CDH26: variants seen among roughly 807,000 people sequenced by gnomAD.
CDH26 encodes the protein cadherin-like protein 26.
A neutral mutation model predicts 90.3 loss-of-function variants in CDH26; 83 were observed. The ratio of observed to expected loss-of-function variants is 0.92; its 90% CI spans 0.77 to 1.10. The LOEUF is 1.10. CDH26 is among the 50% of genes least tolerant of loss of function. CDH26 has a pLI of 0.00. For synonymous variants in CDH26, 397 were observed against 396.3 expected (o/e 1.00, Z -0.02); for missense variants, 1,013 against 1,037.6 (o/e 0.98, Z 0.33).
intron 7 of CDH26, chr20:59,986,205 A>G (rs2061457137): frequency 6.6e-6 from 1 of 152,234 alleles, no homozygotes; most frequent in Admixed American, 6.5e-5. Flanking sequence ...CTCGCCTTCC[A>G]TACCTTACCT....
At position 60,032,971 on chromosome 20, in the gene CDH26, A is replaced by G. The variant is rs905631352; in HGVS notation, c.1144-515A>G. ...TATGTAACTAACCTGCACAATGTGC[A>G]CATGTACCCTAAAACTTAAAGTATA... On this transcript the variant is annotated intron_variant, in intron 8 of 8. Transcript: ENST00000370991. Among the ~76,000 whole-genome samples the G allele has an allele frequency of 5.5e-4, 84 of 152,204 alleles. 1 individual carries two copies. Among genetic ancestry groups the G allele is most frequent in the Non-Finnish European group, 6.5e-4 (44 of 67,994 alleles).
At chr20:60,026,648 T>A (rs1483863981) in intron 7 of CDH26, among the ~76,000 whole-genome samples, 2 of 152,176 alleles carry the variant, frequency 1.3e-5, no homozygotes, top group Admixed American at 1.3e-4. Context: ...GTCAAGAACC[T>A]GAGAGCGCTT....
intron 17 of CDH26, among the ~76,000 whole-genome samples, chr20:60,009,081 A>T (rs573554023): frequency 6.6e-6 from 1 of 152,198 alleles, no homozygotes; most frequent in Non-Finnish European, 1.5e-5. Flanking sequence ...CTGGTGCATG[A>T]CACAGGGGTC....
Position 60,012,724 on chromosome 20 carries a change from T to C in CDH26, c.2493T>C (p.Pro831=). The change falls in exon 18 of 18, where the codon CCT becomes CCC. Residue 831 remains proline (P), a synonymous_variant. Transcript: ENST00000348616. The stretch of plus-strand genomic sequence containing the variant: ...AAATATATTCAGAGTCAGGTGTTCC[T>C]TCCTAAAAAAAAAAGTCTATTTTGG... The part of the protein sequence containing the change: ...FEEIYSESGV[P]S The C allele has an allele frequency of 6.2e-7, 1 of 1,609,600 alleles. No individual in the cohort carries two copies. Among genetic ancestry groups the C allele is most frequent in the East Asian group, 2.2e-5 (1 of 44,862 alleles).
At chr20:60,031,854 C>A (rs2062041914) in intron 8 of CDH26, among the ~76,000 whole-genome samples, 2 of 152,194 alleles carry the variant, frequency 1.3e-5, no homozygotes, top group South Asian at 2.1e-4. Flanking sequence ...CTATGGACTT[C>A]ATCTGTCATG....
At chr20:60,010,690 C>T (rs2061824480) in intron 17 of CDH26, among the ~76,000 whole-genome samples, 1 of 152,134 alleles carries the variant, frequency 6.6e-6, no homozygotes, top group East Asian at 1.9e-4. Flanking sequence ...GGGGTTTGTG[C>T]AGAGGGTGGA....
intron 7 of CDH26, among the ~76,000 whole-genome samples, chr20:59,986,401 C>T (rs897511759): frequency 1.3e-5 from 2 of 152,186 alleles, no homozygotes; most frequent in African/African-American, 4.8e-5. Context: ...ATAAGAATCA[C>T]TCAAGATCTA....
chr20:60,020,275 A>G (rs1369841123), intron 7 of CDH26, among the ~76,000 whole-genome samples: 1 of 152,148 alleles, frequency 6.6e-6, no homozygotes, highest in Non-Finnish European at 1.5e-5. Context: ...CCTGGAAGGT[A>G]TCTTCCTGCA....
intron 7 of CDH26, among the ~76,000 whole-genome samples, chr20:60,026,898 C>A (rs749177704): frequency 6.6e-6 from 1 of 152,240 alleles, no homozygotes; most frequent in Non-Finnish European, 1.5e-5. Flanking sequence ...GTCAAGGCAT[C>A]TCCAGTGCCT....
chr20:60,001,879 A>G (rs1165579833), intron 15 of CDH26, among the ~76,000 whole-genome samples: 2 of 152,218 alleles, frequency 1.3e-5, no homozygotes, highest in Non-Finnish European at 2.9e-5. Context: ...TTTTTCTGAA[A>G]TAATTTTAGA....
rs771120401 is a variant in CDH26, at chr20:59,989,025, CTG to C, written c.1148_1149del (p.Val383GlufsTer22). ...CCAAGGAAGGCAGCAGCCAGCGCCA[CTG>C]TGAGTGTGCAGGTGACAGACGCCAA... On this transcript the variant is annotated frameshift_variant, in exon 9 of 18. Coordinates refer to ENST00000348616, the MANE Select transcript of CDH26 (RefSeq NM_177980.4). LOFTEE classifies it high-confidence loss of function. The C allele has an allele frequency of 1.9e-6, 3 of 1,614,242 alleles. No homozygotes were observed. In the South Asian group the frequency reaches 3.3e-5, roughly 18 times the overall value.
chr20:59,992,980 G>GTAGAGACTTTAAACTTT lies in CDH26; in HGVS notation c.1426+460_1426+461insTAGAGACTTTAAACTTT, dbSNP rs2061546220. 6.6e-6 allele frequency among the ~76,000 whole-genome samples: 1 copy of GTAGAGACTTTAAACTTT among 152,136 alleles called. No homozygotes were observed. The highest frequency in any genetic ancestry group is 2.4e-5 in the African/African-American group (1 of 41,422). ...TTTTTCTCTACACTCTCCTAAGGCT[G>GTAGAGACTTTAAACTTT]AAACTTTAAACACACCAAAGCAGAG... is the stretch of plus-strand genomic sequence containing the variant. On this transcript the variant is annotated intron_variant, in intron 10 of 17. Coordinates refer to ENST00000348616, the MANE Select transcript of CDH26 (RefSeq NM_177980.4). This position sits in a 1 kb window ranked among gnomAD's most constrained non-coding sequence, Gnocchi z 5.0.
intron 1 of CDH26, among the ~76,000 whole-genome samples, chr20:59,967,643 C>A (rs917703864): frequency 6.6e-6 from 1 of 152,126 alleles, no homozygotes; most frequent in East Asian, 1.9e-4. Context: ...CCTGCGTGCA[C>A]ACTGTCTCTC....
Position 59,996,683 on chromosome 20 carries a change from T to C in CDH26, c.1941T>C (p.His647=), listed in dbSNP as rs747817336. The C allele has an allele frequency of 5.0e-6, 8 of 1,614,144 alleles. No individual in the cohort carries two copies. The change falls in exon 13 of 18, where the codon CAT becomes CAC. Residue 647 remains histidine, a synonymous_variant. Transcript: ENST00000348616. ...RCYFVLEPKR[H]GCSVSNDEGH... is the part of the protein sequence containing the mutation. Reference sequence around the variant, plus strand: ...ATTTTGTGCTTGAACCTAAGAGGCATGGATGCTCTGTATCCAATGATGAAG... The same window carrying C: ...ATTTTGTGCTTGAACCTAAGAGGCACGGATGCTCTGTATCCAATGATGAAG...
At chr20:59,979,498 AGTTT>A (rs1312671109) in intron 4 of CDH26, among the ~76,000 whole-genome samples, 2 of 148,370 alleles carry the variant, frequency 1.3e-5, no homozygotes, top group Non-Finnish European at 3.0e-5. Flanking sequence ...TGCCCAGCCG[AGTTT>A]GTTCTGTTTT....
At chr20:59,987,908 C>T (rs1041047632) in intron 8 of CDH26, among the ~76,000 whole-genome samples, 9 of 152,134 alleles carry the variant, frequency 5.9e-5, no homozygotes, top group Non-Finnish European at 1.3e-4. Flanking sequence ...TTGTTGTAGG[C>T]AAAATGTAAT....
intron 1 of CDH26, among the ~76,000 whole-genome samples, chr20:59,962,521 G>A (rs1020839261): frequency 2.0e-5 from 3 of 152,130 alleles, no homozygotes; most frequent in Non-Finnish European, 2.9e-5. Context: ...TTTTCCTATC[G>A]AGACACTGCT....
intron 4 of CDH26, among the ~76,000 whole-genome samples, chr20:59,973,008 C>T (rs1569029035): frequency 6.6e-6 from 1 of 152,180 alleles, no homozygotes. Context: ...TCTTCCTTAT[C>T]TGTATGAATG....
chr20:59,979,375 T>A (rs1243769927), intron 4 of CDH26, among the ~76,000 whole-genome samples: 1 of 151,884 alleles, frequency 6.6e-6, no homozygotes, highest in East Asian at 1.9e-4. Flanking sequence ...ATTTTTTGTG[T>A]TTTAGTAGAG....
Sources: gnomAD v4.1 joint callset for allele counts (sites outside exome capture counted in the v4.1 genomes callset) on GRCh38, gnomAD v4.1.1 for gene constraint, Gnocchi (gnomAD v3.1) non-coding constraint, MANE v1.5 for transcripts, NCBI Gene and HGNC (gene_info 2026-07-23, HGNC 2026-07-21) for gene names.